MACROD2: variants seen among roughly 807,000 people sequenced by gnomAD.
MACROD2 encodes mono-ADP ribosylhydrolase 2, also known as ADP-ribose glycohydrolase MACROD2.
Under a neutral mutation model 70.4 loss-of-function variants are expected in MACROD2, and 36 were observed. That is an observed-to-expected ratio of 0.51 (90% CI 0.39 to 0.68). MACROD2 has a LOEUF of 0.68. Ranked by LOEUF, MACROD2 falls within the 30% of genes least tolerant of loss-of-function variation. The pLI is 0.00. For missense variants in MACROD2, 496 were observed against 538.4 expected (o/e 0.92, Z 0.78); for synonymous variants, 172 against 178.8 (o/e 0.96, Z 0.30).
At chr20:14,389,267 A>G (rs997082236) in intron 3 of MACROD2, among the ~76,000 whole-genome samples, 1 of 151,884 alleles carries the variant, frequency 6.6e-6, no homozygotes, top group Non-Finnish European at 1.5e-5. Context: ...CTAAAAATAC[A>G]AAAAATTAAC....
At chr20:15,889,607 T>C (rs1314374763) in intron 10 of MACROD2, among the ~76,000 whole-genome samples, 2 of 152,214 alleles carry the variant, frequency 1.3e-5, no homozygotes, top group Non-Finnish European at 2.9e-5. Context: ...CAGACTGGCC[T>C]AAATGCCTAG....
At chr20:15,108,481 T>C (rs550116704) in intron 5 of MACROD2, among the ~76,000 whole-genome samples, 1 of 152,204 alleles carries the variant, frequency 6.6e-6, no homozygotes, top group South Asian at 2.1e-4. Flanking sequence ...ACTCATGGAG[T>C]GGCCTTATTC....
intron 8 of MACROD2, among the ~76,000 whole-genome samples, chr20:15,819,447 A>C (rs918607783): frequency 1.2e-4 from 16 of 128,036 alleles, no homozygotes; most frequent in African/African-American, 6.4e-4. Context: ...AATTATATAA[A>C]TATATATAAA....
chr20:15,066,597 C>T (rs1164856425), intron 5 of MACROD2, among the ~76,000 whole-genome samples: 7 of 151,894 alleles, frequency 4.6e-5, no homozygotes, highest in Admixed American at 3.9e-4. Context: ...GCAGTGAACT[C>T]GGCCAGGAGC....
chr20:15,834,890 C>T (rs1354478521), intron 8 of MACROD2, among the ~76,000 whole-genome samples: 1 of 152,184 alleles, frequency 6.6e-6, no homozygotes, highest in Non-Finnish European at 1.5e-5. Context: ...CCTCCCATTT[C>T]AATCATGGCT....
chr20:14,866,198 A>C (rs115822493), intron 5 of MACROD2, among the ~76,000 whole-genome samples: 2 of 152,128 alleles, frequency 1.3e-5, no homozygotes, highest in Admixed American at 6.6e-5. Context: ...ACCAGGAAAA[A>C]CTTAAGTTAT....
chr20:15,104,456 C>A (rs387318), intron 5 of MACROD2, among the ~76,000 whole-genome samples: 56,742 of 151,932 alleles, frequency 0.37, 12,685 homozygotes, highest in Non-Finnish European at 0.5. Flanking sequence ...TGCTATAAAC[C>A]CATAAACAAA....
chr20:15,437,825 A>G (rs1026955888), intron 7 of MACROD2, among the ~76,000 whole-genome samples: 1 of 152,178 alleles, frequency 6.6e-6, no homozygotes, highest in African/African-American at 2.4e-5. Context: ...TGCAAAAGAC[A>G]TAATCTCCTT....
intron 5 of MACROD2, among the ~76,000 whole-genome samples, chr20:15,064,333 A>G (rs2123088926): frequency 6.6e-6 from 1 of 152,272 alleles, no homozygotes; most frequent in South Asian, 2.1e-4. Context: ...CACCAAGCCC[A>G]GTGGAACGTC....
chr20:15,890,491 C>T (rs1056366445), intron 10 of MACROD2, among the ~76,000 whole-genome samples: 1 of 152,138 alleles, frequency 6.6e-6, no homozygotes, highest in African/African-American at 2.4e-5. Context: ...TATTTGCACT[C>T]GGTGAGCTGC....
chr20:14,312,062 C>T (rs555571902), intron 3 of MACROD2, among the ~76,000 whole-genome samples: 1 of 152,124 alleles, frequency 6.6e-6, no homozygotes, highest in South Asian at 2.1e-4. Context: ...ATTTATAATA[C>T]AATAATTCTC....
intron 6 of MACROD2, among the ~76,000 whole-genome samples, chr20:15,408,599 G>A (rs6079804): frequency 0.14 from 21,579 of 152,188 alleles, 1,699 homozygotes; most frequent in Non-Finnish European, 0.19. Context: ...TGAAAGCTTC[G>A]TCTTCCATTC....
At position 15,656,687 on chromosome 20, in the gene MACROD2, C is replaced by T. The variant is rs144990828; in HGVS notation, c.645+156840C>T. Among the ~76,000 whole-genome samples, 359 of 152,120 alleles carry T rather than the reference C, an allele frequency of 2.4e-3. 3 individuals are homozygous for T. The highest frequency in any genetic ancestry group is 7.6e-3 in the African/African-American group (314 of 41,496). ...GCTCTGTGTGAAAGCTAAACAGAGC[C>T]GGAGGGAGTTTTTTTCACCTGGCTA... On this transcript the variant is annotated intron_variant, in intron 8 of 17. Coordinates refer to ENST00000684519, the MANE Select transcript of MACROD2 (RefSeq NM_001351661.2).
At chr20:15,342,045 C>T (rs1458372413) in intron 6 of MACROD2, among the ~76,000 whole-genome samples, 13 of 151,930 alleles carry the variant, frequency 8.6e-5, no homozygotes, top group Admixed American at 7.9e-4. Flanking sequence ...CAAAGCGAGA[C>T]CCTGCCCCTG....
intron 8 of MACROD2, among the ~76,000 whole-genome samples, chr20:15,573,761 A>G (rs1242774619): frequency 2.6e-5 from 4 of 151,784 alleles, no homozygotes; most frequent in Non-Finnish European, 5.9e-5. Context: ...TCTCCCCACC[A>G]CACACCCTTA....
intron 10 of MACROD2, among the ~76,000 whole-genome samples, chr20:15,923,136 A>C (rs2065436378): frequency 6.6e-6 from 1 of 152,100 alleles, no homozygotes; most frequent in African/African-American, 2.4e-5. Context: ...ACCTGTTAAT[A>C]CTCTAGAGCC....
chr20:15,568,835 G>T (rs1049289925), intron 8 of MACROD2, among the ~76,000 whole-genome samples: 2 of 152,168 alleles, frequency 1.3e-5, no homozygotes, highest in African/African-American at 4.8e-5. Context: ...GTCTCTATGG[G>T]TATGATCTGT....
chr20:15,451,856 A>T (rs2146394964), intron 7 of MACROD2, among the ~76,000 whole-genome samples: 1 of 152,258 alleles, frequency 6.6e-6, no homozygotes, highest in East Asian at 1.9e-4. Flanking sequence ...CTTGGGGCCC[A>T]CCAGGTATCT....
intron 5 of MACROD2, among the ~76,000 whole-genome samples, chr20:14,786,129 T>C (rs935772421): frequency 6.6e-6 from 1 of 151,756 alleles, no homozygotes; most frequent in Non-Finnish European, 1.5e-5. Context: ...AGTGACAGCA[T>C]GCTTTAAGTG....
Sources: allele counts gnomAD v4.1 joint callset (sites outside exome capture counted in the v4.1 genomes callset), GRCh38; gene constraint gnomAD v4.1.1; transcripts MANE v1.5; gene names NCBI Gene and HGNC (gene_info 2026-07-23, HGNC 2026-07-21).